Variants in ZFAND6 observed in about 807,000 individuals in gnomAD.
The protein encoded by ZFAND6 is AN1-type zinc finger protein 6.
In ZFAND6, 12 loss-of-function variants were observed where a neutral mutation model predicts 24.5. The ratio of observed to expected loss-of-function variants is 0.49; its 90% confidence interval spans 0.31 to 0.79. ZFAND6 has a LOEUF of 0.79. ZFAND6 is among the 30% of genes least tolerant of loss of function. ZFAND6 has a pLI of 0.04. For synonymous variants in ZFAND6, 92 were observed against 81.5 expected, an observed-to-expected ratio of 1.13 and a Z score of -0.69; for missense variants, 207 against 245.9, an observed-to-expected ratio of 0.84 and a Z score of 1.06.
At chr15:80,119,586 A>T (rs536942176) in intron 2 of ZFAND6, among the ~76,000 whole-genome samples, 107 of 24,838 alleles carry the variant, frequency 4.3e-3, no homozygotes, top group East Asian at 0.014. Context: ...ATGCTTTTTT[A>T]AAAAAAAACT....
At position 80,131,258 on chromosome 15, in the gene ZFAND6, G is replaced by A. The variant is rs746842269; in HGVS notation, c.443G>A (p.Arg148His). The change falls in exon 6 of 7, where the codon CGC becomes CAC. Residue 148 changes from arginine to histidine, a missense_variant. By Grantham distance (29) the Arg-to-His change is conservative. Transcript: ENST00000261749. ...SLEKPKQKKN[R>H]CFMCRKKVGL... ...GAAAAACCGAAACAAAAAAAGAATC[G>A]CTGTTTCATGTGCAGGAAGAAAGTG... 2.5e-6 allele frequency: 4 copies of A among 1,612,872 alleles called. No individual in the cohort carries two copies. Among genetic ancestry groups the A allele is most frequent in the South Asian group, 1.1e-5 (1 of 90,948 alleles).
intron 2 of ZFAND6, among the ~76,000 whole-genome samples, chr15:80,118,564 A>T (rs750908573): frequency 2.6e-5 from 4 of 152,140 alleles, no homozygotes; most frequent in African/African-American, 9.7e-5. Flanking sequence ...ATGTGTGTGT[A>T]TGTATGTATA....
intron 6 of ZFAND6, among the ~76,000 whole-genome samples, chr15:80,135,150 C>T (rs751196254): frequency 9.9e-5 from 15 of 152,158 alleles, no homozygotes; most frequent in Non-Finnish European, 2.1e-4. Flanking sequence ...TTATGATGAT[C>T]GACTTTCACT....
intron 1 of ZFAND6, chr15:80,073,461 C>G (rs1277113373): frequency 1.1e-5 from 2 of 177,548 alleles, no homozygotes; most frequent in Non-Finnish European, 2.4e-5. Context: ...GCTCTTTGTT[C>G]TCATAGAAAT....
intron 1 of ZFAND6, among the ~76,000 whole-genome samples, chr15:80,070,063 T>A (rs1319773695): frequency 6.6e-6 from 1 of 152,218 alleles, no homozygotes; most frequent in Non-Finnish European, 1.5e-5. Context: ...TAATTTCTTT[T>A]GTAGGAAGAG....
At chr15:80,122,520 C>G (rs569649600) in intron 4 of ZFAND6, among the ~76,000 whole-genome samples, 180 bp from the exon 5 acceptor site, 1 of 152,112 alleles carries the variant, frequency 6.6e-6, no homozygotes, top group African/African-American at 2.4e-5. Flanking sequence ...CAGTAAAATT[C>G]TGGTCCAAAT....
intron 2 of ZFAND6, among the ~76,000 whole-genome samples, chr15:80,102,527 A>T (rs1402123491): frequency 6.6e-6 from 1 of 152,214 alleles, no homozygotes; most frequent in Admixed American, 6.5e-5. Flanking sequence ...TTTATATGTG[A>T]TATGGAGATG....
chr15:80,096,186 G>A (rs909991539), intron 1 of ZFAND6, among the ~76,000 whole-genome samples: 1 of 152,194 alleles, frequency 6.6e-6, no homozygotes, highest in African/African-American at 2.4e-5. Flanking sequence ...TGACTTTTAA[G>A]GATGGAATGA....
At chr15:80,097,122 CT>C (rs1484794460) in intron 1 of ZFAND6, among the ~76,000 whole-genome samples, 1 of 151,748 alleles carries the variant, frequency 6.6e-6, no homozygotes, top group African/African-American at 2.4e-5. Context: ...GCCTCAGCCC[CT>C]CTAGTAGCTG....
At chr15:80,127,617 C>T (rs1567097485) in intron 5 of ZFAND6, among the ~76,000 whole-genome samples, 1 of 139,582 alleles carries the variant, frequency 7.2e-6, no homozygotes, top group African/African-American at 2.7e-5. Context: ...AAAAAAAAAC[C>T]ATGCTCAACT....
chr15:80,069,910 A>AT (rs1355421233), intron 1 of ZFAND6, among the ~76,000 whole-genome samples: 1 of 151,806 alleles, frequency 6.6e-6, no homozygotes, highest in Non-Finnish European at 1.5e-5. Flanking sequence ...ACCTGGCCAT[A>AT]TTTTTTTATT....
At chr15:80,119,694 A>AGTCATTTT (rs1453886605) in intron 2 of ZFAND6, among the ~76,000 whole-genome samples, 1 of 152,164 alleles carries the variant, frequency 6.6e-6, no homozygotes, top group African/African-American at 2.4e-5. Context: ...ATTATACTCT[A>AGTCATTTT]GTCATTTTGT....
chr15:80,133,294 G>A (rs916665487), intron 6 of ZFAND6, among the ~76,000 whole-genome samples: 3 of 151,582 alleles, frequency 2.0e-5, no homozygotes, highest in African/African-American at 7.3e-5. Context: ...CTGGGTTCAA[G>A]CAATTCTCCT....
At chr15:80,079,075 C>T (rs766936631) in intron 1 of ZFAND6, among the ~76,000 whole-genome samples, 14 of 149,800 alleles carry the variant, frequency 9.3e-5, no homozygotes, top group Non-Finnish European at 1.6e-4. Context: ...AGTGTGTCTT[C>T]TTTTGAGAAG....
intron 2 of ZFAND6, among the ~76,000 whole-genome samples, chr15:80,113,439 C>T (rs2039710318): frequency 6.6e-6 from 1 of 152,122 alleles, no homozygotes; most frequent in African/African-American, 2.4e-5. Context: ...TAGTTCACAA[C>T]TTCTTTGGAC....
rs141647520 is a variant in ZFAND6, at chr15:80,099,657, G to A, written c.-18+1079G>A. ...TTTCGAGACGGAGTCTCACTCTGTC[G>A]CCCAGGCTGGAGGCAGTGGCACAAT... On this transcript the variant is annotated intron_variant, in intron 2 of 6. Coordinates refer to ENST00000261749, the MANE Select transcript of ZFAND6 (RefSeq NM_019006.4). Among the ~76,000 whole-genome samples the A allele has an allele frequency of 5.1e-4, 61 of 118,694 alleles. 2 individuals carry two copies. The East Asian group carries it at 0.012, about 24-fold the overall frequency. 77.9% of individuals were successfully genotyped at this position (118,694 alleles called of 152,430 possible).
intron 1 of ZFAND6, among the ~76,000 whole-genome samples, chr15:80,066,772 C>T (rs1260053876): frequency 6.6e-6 from 1 of 151,716 alleles, no homozygotes; most frequent in Non-Finnish European, 1.5e-5. Flanking sequence ...TGGCCGGTAG[C>T]TGTAATCCCA....
At chr15:80,095,140 T>C (rs568946597) in intron 1 of ZFAND6, among the ~76,000 whole-genome samples, 7 of 152,310 alleles carry the variant, frequency 4.6e-5, no homozygotes, top group Non-Finnish European at 1.0e-4. Context: ...TTGCCACATC[T>C]CTTTATTCTC....
chr15:80,119,204 C>T (rs1179187913), intron 2 of ZFAND6, among the ~76,000 whole-genome samples: 2 of 152,030 alleles, frequency 1.3e-5, no homozygotes, highest in African/African-American at 2.4e-5. Flanking sequence ...CATGTGGTTC[C>T]CAAACAATTC....
Sources: gnomAD v4.1 joint callset for allele counts (sites outside exome capture counted in the v4.1 genomes callset) on GRCh38, gnomAD v4.1.1 for gene constraint, MANE v1.5 for transcripts, NCBI Gene and HGNC (gene_info 2026-07-23, HGNC 2026-07-21) for gene names.